Variants in CMYA5 observed in about 807,000 individuals in gnomAD.
CMYA5 encodes the protein cardiomyopathy-associated protein 5.
In CMYA5, 246 loss-of-function variants were observed where a neutral mutation model predicts 318.9. The observed-to-expected ratio is 0.77, with a 90% CI of 0.70 to 0.86. The LOEUF is 0.86. Ranked by LOEUF, CMYA5 falls within the 40% of genes least tolerant of loss-of-function variation. CMYA5 has a pLI of 0.00. For synonymous variants in CMYA5, 1,641 were observed against 1,729.5 expected (o/e 0.95, Z 1.27); for missense variants, 4,589 against 4,678.2 (o/e 0.98, Z 0.56).
intron 1 of CMYA5, among the ~76,000 whole-genome samples, chr5:79,719,539 A>C (rs1263936932): frequency 3.3e-5 from 5 of 152,246 alleles, no homozygotes; most frequent in Admixed American, 1.3e-4. Context: ...CACAAAAAAC[A>C]CATTTAGAAA....
At chr5:79,763,784 A>T (rs951408718) in intron 9 of CMYA5, among the ~76,000 whole-genome samples, 1 of 152,164 alleles carries the variant, frequency 6.6e-6, no homozygotes, top group Non-Finnish European at 1.5e-5. Flanking sequence ...TCCACTAGGC[A>T]TTTGGTAAAT....
At chr5:79,750,801 A>G (rs528182373) in intron 5 of CMYA5, among the ~76,000 whole-genome samples, 30 of 152,264 alleles carry the variant, frequency 2.0e-4, no homozygotes, top group African/African-American at 6.7e-4. Flanking sequence ...TTCTAAAAGG[A>G]TGTCTGCCTG....
At chr5:79,726,768 G>A (rs1450185222) in intron 1 of CMYA5, among the ~76,000 whole-genome samples, 2 of 152,088 alleles carry the variant, frequency 1.3e-5, no homozygotes, top group Admixed American at 1.3e-4. Flanking sequence ...AAACTCTGAA[G>A]CTTAATAAGG....
Position 79,778,647 on chromosome 5 carries a change from T to C in CMYA5, c.11556-10324T>C, listed in dbSNP as rs573255310. 2.9e-4 allele frequency among the ~76,000 whole-genome samples: 44 copies of C among 151,946 alleles called. No individual in the cohort carries two copies. The Middle Eastern group carries it at 0.017, about 59-fold the overall frequency. On this transcript the variant is annotated intron_variant, in intron 9 of 12. Coordinates refer to ENST00000446378, the MANE Select transcript of CMYA5 (RefSeq NM_153610.5). ...TAGAAGCTCTGTTTTTTTAAGGAAG[T>C]TAGCTTTCCTATTAAGAGATAAGTT...
At chr5:79,798,082 C>T (rs965472855) in intron 12 of CMYA5, among the ~76,000 whole-genome samples, 17 of 152,102 alleles carry the variant, frequency 1.1e-4, no homozygotes, top group Admixed American at 6.5e-5. Context: ...TGAAAAGGTC[C>T]TTTATCAACT....
chr5:79,738,934 A>C lies in CMYA5; in HGVS notation c.10169A>C (p.His3390Pro), dbSNP rs1208245621. The C allele has an allele frequency of 6.2e-7, 1 of 1,613,926 alleles. No individual in the cohort carries two copies. The highest frequency in any genetic ancestry group is 8.5e-7 in the Non-Finnish European group (1 of 1,179,842). ...PEEEFASGAT[H>P]VQETSLEEPK... Reference sequence around the variant, plus strand: ...GAAGAATTTGCATCTGGTGCAACTCATGTTCAAGAAACATCACTAGAAGAA... The same window carrying C: ...GAAGAATTTGCATCTGGTGCAACTCCTGTTCAAGAAACATCACTAGAAGAA... Residue 3390 changes from histidine (H) to proline (P), a missense_variant, in exon 2 of 13, where the codon CAT (histidine) becomes CCT (proline). Coordinates refer to ENST00000446378, the MANE Select transcript of CMYA5 (RefSeq NM_153610.5).
intron 7 of CMYA5, among the ~76,000 whole-genome samples, chr5:79,760,123 CT>C (rs1828619458): frequency 6.6e-6 from 1 of 150,516 alleles, no homozygotes; most frequent in Non-Finnish European, 1.5e-5. Context: ...TCATCTCCAT[CT>C]ATTTCTAGCT....
chr5:79,734,915 AC>A lies in CMYA5; in HGVS notation c.6152del (p.Pro2051GlnfsTer10). The A allele has an allele frequency of 6.2e-7, 1 of 1,613,854 alleles. No individual in the cohort carries two copies. The highest frequency in any genetic ancestry group is 8.5e-7 in the Non-Finnish European group (1 of 1,179,796). ...TACCTCCTGAAAGATTCTTCCAGAAACCAGTGTCTGGCCTATCAGTGGAACA... is the reference window on the plus strand; with the variant it reads ...TACCTCCTGAAAGATTCTTCCAGAAACAGTGTCTGGCCTATCAGTGGAACA... ...KLPPERFFQK[P>X]VSGLSVEQVK... On this transcript the variant is annotated frameshift_variant, in exon 2 of 13. Coordinates refer to ENST00000446378, the MANE Select transcript of CMYA5 (RefSeq NM_153610.5). LOFTEE classifies it high-confidence loss of function.
chr5:79,705,987 C>T (rs1827263500), intron 1 of CMYA5, among the ~76,000 whole-genome samples: 1 of 152,180 alleles, frequency 6.6e-6, no homozygotes, highest in South Asian at 2.1e-4. Context: ...CCATCATCTA[C>T]TAGTACCCTG....
At chr5:79,761,316 G>C (rs1464015682) in intron 7 of CMYA5, among the ~76,000 whole-genome samples, 1 of 152,182 alleles carries the variant, frequency 6.6e-6, no homozygotes, top group Non-Finnish European at 1.5e-5. Context: ...TGGAATTCAT[G>C]AGAAGAAACC....
intron 6 of CMYA5, 104 bp from the exon 7 acceptor site, chr5:79,758,645 CTATG>C (rs144578287): frequency 0.13 from 99,774 of 782,774 alleles, 6,767 homozygotes; most frequent in East Asian, 0.31. Flanking sequence ...TACTTTTATA[CTATG>C]TATTTCTGTA....
intron 12 of CMYA5, 112 bp downstream of exon 12, chr5:79,793,722 G>A: frequency 1.1e-6 from 1 of 946,672 alleles, no homozygotes; most frequent in Non-Finnish European, 1.6e-6. Context: ...CAACTTCTGA[G>A]CCAACTAAGA....
Position 79,734,477 on chromosome 5 carries a change from T to G in CMYA5, c.5712T>G (p.Ser1904Arg). ...WMLGKPENVA[S>R]QHEQRIAGSV... Reference sequence around the variant, plus strand: ...TGGGAAAGCCAGAAAATGTGGCTAGTCAACACGAACAGAGAATAGCAGGAT... The same window carrying G: ...TGGGAAAGCCAGAAAATGTGGCTAGGCAACACGAACAGAGAATAGCAGGAT... The change falls in exon 2 of 13, where the codon AGT becomes AGG. Residue 1904 changes from serine to arginine, a missense_variant. Physicochemically the swap from Ser to Arg is moderately radical, Grantham distance 110. Coordinates refer to ENST00000446378, the MANE Select transcript of CMYA5 (RefSeq NM_153610.5). 1 of 1,613,674 alleles carries G rather than the reference T, an allele frequency of 6.2e-7. No individual in the cohort carries two copies.
At chr5:79,758,654 T>G in intron 6 of CMYA5, 99 bp from the exon 7 acceptor site, 1 of 965,626 alleles carries the variant, frequency 1.0e-6, no homozygotes, top group Non-Finnish European at 1.5e-6. Context: ...ACTATGTATT[T>G]CTGTATTCTT....
intron 1 of CMYA5, among the ~76,000 whole-genome samples, chr5:79,724,201 G>C (rs1254310380): frequency 6.6e-6 from 1 of 151,896 alleles, no homozygotes; most frequent in South Asian, 2.1e-4. Flanking sequence ...GTGCCCGCCT[G>C]TAATCCCATC....
chr5:79,701,145 C>G (rs1159049966), intron 1 of CMYA5, among the ~76,000 whole-genome samples: 1 of 150,926 alleles, frequency 6.6e-6, no homozygotes, highest in South Asian at 2.1e-4. Context: ...ATAGTCCCAG[C>G]TACTTAGACA....
intron 1 of CMYA5, among the ~76,000 whole-genome samples, chr5:79,712,097 C>T (rs1827402865): frequency 6.6e-6 from 1 of 152,204 alleles, no homozygotes; most frequent in Non-Finnish European, 1.5e-5. Context: ...TCTGCTGGCA[C>T]CAGGCAAAGG....
In CMYA5 at chr5:79,736,609, T is replaced by TAGG. The variant is rs1378734011; in HGVS notation, c.7846_7848dup (p.Gly2616dup). On this transcript the variant is annotated inframe_insertion, in exon 2 of 13. Transcript: ENST00000446378. ...CCAGAAATCAGAGAAGCAAAGGCAG[T>TAGG]AGGAACCCAACCACATCCTTTAGAA... is the stretch of plus-strand genomic sequence containing the variant. The TAGG allele has an allele frequency of 1.9e-6, 3 of 1,613,822 alleles. No homozygotes were observed. In the South Asian group the frequency reaches 3.3e-5, roughly 18 times the overall value.
In CMYA5 at chr5:79,736,744, A is replaced by G. The variant is rs1429649487; in HGVS notation, c.7979A>G (p.Glu2660Gly). The change falls in exon 2 of 13, where the codon GAA becomes GGA. Residue 2660 changes from glutamate to glycine, a missense_variant. Physicochemically the swap from Glu to Gly is moderately conservative, Grantham distance 98. Transcript: ENST00000446378. ...SLSQEGNLVL[E>G]KSSRDMPDHS... Reference sequence around the variant, plus strand: ...TCTCAGGAAGGAAATCTAGTATTAGAAAAGTCAAGCAGAGATATGCCAGAT... The same window carrying G: ...TCTCAGGAAGGAAATCTAGTATTAGGAAAGTCAAGCAGAGATATGCCAGAT... The G allele has an allele frequency of 6.2e-7, 1 of 1,613,406 alleles. No homozygotes were observed. The highest frequency in any genetic ancestry group is 8.5e-7 in the Non-Finnish European group (1 of 1,179,740).
Sources: allele counts gnomAD v4.1 joint callset (sites outside exome capture counted in the v4.1 genomes callset), GRCh38; gene constraint gnomAD v4.1.1; transcripts MANE v1.5; gene names NCBI Gene and HGNC (gene_info 2026-07-23, HGNC 2026-07-21).